Variants in ZNF423 observed in about 807,000 individuals in gnomAD.
The protein encoded by ZNF423 is Ebf-associated zinc finger protein.
A neutral mutation model predicts 95.8 loss-of-function variants in ZNF423; 12 were observed. The observed-to-expected ratio is 0.13, with a 90% CI of 0.08 to 0.20. The LOEUF is 0.20. Among genes scored for constraint, ZNF423 ranks in the 10% least tolerant of loss-of-function variants. The pLI is 1.00. For synonymous variants in ZNF423, 749 were observed against 711.9 expected, an observed-to-expected ratio of 1.05 and a Z score of -0.83; for missense variants, 1,316 against 1,737.1, an observed-to-expected ratio of 0.76 and a Z score of 4.31.
rs61428028 is a variant in ZNF423 at position 49,615,130 on chromosome 16, T to TCACACACACA, written c.3601+11030_3601+11039dup. On this transcript the variant is annotated intron_variant, in intron 5 of 7. Transcript: ENST00000563137. ...TGGGCAACAAGAAAGAAACTCCATC[T>TCACACACACA]CACACACACACACACACACACACAC... is the stretch of plus-strand genomic sequence containing the variant. 2.1e-3 allele frequency among the ~76,000 whole-genome samples: 290 copies of TCACACACACA among 141,222 alleles called. 2 individuals carry two copies. Among genetic ancestry groups the TCACACACACA allele is most frequent in the African/African-American group, 3.5e-3 (130 of 36,772 alleles). The allele number at this position is 141,222 out of a possible 152,430, so 92.6% of individuals were successfully genotyped here.
intron 3 of ZNF423, among the ~76,000 whole-genome samples, chr16:49,656,010 C>T (rs576364459): frequency 7.3e-4 from 111 of 152,182 alleles, no homozygotes; most frequent in Admixed American, 2.0e-3. Context: ...TCCCTCTCTC[C>T]TCCCACCCCC....
At chr16:49,811,621 G>A (rs1432466700) in intron 1 of ZNF423, among the ~76,000 whole-genome samples, 1 of 152,154 alleles carries the variant, frequency 6.6e-6, no homozygotes, top group Admixed American at 6.5e-5. Flanking sequence ...GGAGCTCACA[G>A]GGCAAACGAG....
chr16:49,710,031 C>T (rs1261371589), intron 3 of ZNF423, among the ~76,000 whole-genome samples: 2 of 152,138 alleles, frequency 1.3e-5, no homozygotes, highest in Admixed American at 6.5e-5. Context: ...AAGGAACAGT[C>T]CTCAGAATGA....
At chr16:49,651,785 GT>G (rs141832020) in intron 3 of ZNF423, among the ~76,000 whole-genome samples, 7,947 of 152,238 alleles carry the variant, frequency 0.052, 235 homozygotes, top group Non-Finnish European at 0.068. Flanking sequence ...TCACCATAAG[GT>G]GGTCACAGGA....
intron 5 of ZNF423, among the ~76,000 whole-genome samples, chr16:49,547,527 A>C (rs983139245): frequency 1.3e-5 from 2 of 152,216 alleles, no homozygotes; most frequent in Non-Finnish European, 2.9e-5. Context: ...GTTTGCATTC[A>C]TCAAGGCCCA....
At chr16:49,626,716 C>G (rs1374063358) in intron 4 of ZNF423, among the ~76,000 whole-genome samples, 1 of 151,748 alleles carries the variant, frequency 6.6e-6, no homozygotes, top group East Asian at 1.9e-4. Context: ...TCCATCTACC[C>G]ATCCATCCAT....
chr16:49,795,222 C>T (rs981652549), intron 1 of ZNF423, among the ~76,000 whole-genome samples: 2 of 152,300 alleles, frequency 1.3e-5, no homozygotes, highest in Middle Eastern at 3.4e-3. Flanking sequence ...TCCCAGAGGG[C>T]CTGCAGCAGG....
intron 4 of ZNF423, among the ~76,000 whole-genome samples, chr16:49,631,144 C>A (rs1333391362): frequency 6.6e-6 from 1 of 152,154 alleles, no homozygotes; most frequent in Non-Finnish European, 1.5e-5. Context: ...AGAGACCCTG[C>A]CTTCAGCTCA....
chr16:49,581,878 G>C (rs1476363934), intron 5 of ZNF423, among the ~76,000 whole-genome samples: 1 of 152,130 alleles, frequency 6.6e-6, no homozygotes, highest in East Asian at 1.9e-4. Context: ...TGCCAACCCG[G>C]GTTTCTGTCA....
chr16:49,516,771 AC>A lies in ZNF423; in HGVS notation c.3849+6852del, dbSNP rs549770519. On this transcript the variant is annotated intron_variant, in intron 7 of 7. Transcript: ENST00000563137. The stretch of plus-strand genomic sequence containing the variant: ...TTGCTGGTTTGTATCATATGATCCT[AC>A]CCCCAGCCACAGCTCACTGGAGCAG... Among the ~76,000 whole-genome samples the A allele has an allele frequency of 2.6e-4, 40 of 152,000 alleles. No individual in the cohort carries two copies. The South Asian group carries it at 8.3e-3, about 32-fold the overall frequency.
rs369498072 is a variant in ZNF423, at chr16:49,514,227, C to T, written c.3849+9397G>A. On this transcript the variant is annotated intron_variant, in intron 7 of 7. Coordinates refer to ENST00000563137, the MANE Select transcript of ZNF423 (RefSeq NM_001379286.1). Reference sequence around the variant, plus strand: ...ACACACACACATGCACACGCACATGCGTACACACACACGCACACGCACACA... The same window carrying T: ...ACACACACACATGCACACGCACATGTGTACACACACACGCACACGCACACA... 1.6e-4 allele frequency among the ~76,000 whole-genome samples: 23 copies of T among 147,334 alleles called. No homozygotes were observed. In the East Asian group the frequency reaches 2.4e-3, roughly 15 times the overall value.
intron 3 of ZNF423, among the ~76,000 whole-genome samples, chr16:49,677,314 AGGGGAAGGGAGGGGAGGG>A (rs2031136666): frequency 1.5e-5 from 1 of 68,458 alleles, no homozygotes; most frequent in African/African-American, 5.8e-5. Flanking sequence ...AAGAGAAAGG[AGGGGAAGGGAGGGGAGGG>A]GAGGGGAGGG....
intron 3 of ZNF423, among the ~76,000 whole-genome samples, chr16:49,691,155 G>GACA (rs2031765829): frequency 1.3e-5 from 2 of 152,242 alleles, no homozygotes; most frequent in Admixed American, 1.3e-4. Flanking sequence ...CATAGAGAGT[G>GACA]GGTTCATCTA....
intron 1 of ZNF423, among the ~76,000 whole-genome samples, chr16:49,839,403 A>C (rs1248256692): frequency 6.6e-6 from 1 of 152,114 alleles, no homozygotes; most frequent in South Asian, 2.1e-4. Context: ...CCCATCTGTC[A>C]GATGGGGGTG....
At chr16:49,771,481 G>A (rs1037464231) in intron 2 of ZNF423, among the ~76,000 whole-genome samples, 1 of 152,064 alleles carries the variant, frequency 6.6e-6, no homozygotes, top group Non-Finnish European at 1.5e-5. Flanking sequence ...CTGGGATTAC[G>A]GGCATGAGCC....
At chr16:49,813,738 C>T (rs1380353614) in intron 1 of ZNF423, among the ~76,000 whole-genome samples, 4 of 152,214 alleles carry the variant, frequency 2.6e-5, no homozygotes, top group Non-Finnish European at 5.9e-5. Context: ...CCAGAGTTGG[C>T]TTCTGTCACC....
intron 1 of ZNF423, chr16:49,854,713 G>A: frequency 1.0e-6 from 1 of 985,476 alleles, no homozygotes; most frequent in Non-Finnish European, 1.2e-6. Flanking sequence ...GGAGGCCAGG[G>A]GAGGGGCTCT....
intron 2 of ZNF423, among the ~76,000 whole-genome samples, chr16:49,736,565 G>A (rs112761675): frequency 6.6e-5 from 10 of 152,342 alleles, no homozygotes; most frequent in Middle Eastern, 6.8e-3. Context: ...CACTTTAGGA[G>A]GATGAGACAG....
intron 5 of ZNF423, among the ~76,000 whole-genome samples, chr16:49,599,061 A>G (rs1465150857): frequency 6.6e-6 from 1 of 152,234 alleles, no homozygotes; most frequent in Non-Finnish European, 1.5e-5. Flanking sequence ...CGGGCTCAGC[A>G]GAAATCCCTC....
Sources: gnomAD v4.1 joint callset for allele counts (sites outside exome capture counted in the v4.1 genomes callset) on GRCh38, gnomAD v4.1.1 for gene constraint, MANE v1.5 for transcripts, NCBI Gene and HGNC (gene_info 2026-07-23, HGNC 2026-07-21) for gene names.